ACTR3C: variants seen among roughly 807,000 people sequenced by gnomAD.
ACTR3C encodes the protein actin-related protein 3C.
Under a neutral mutation model 26.3 loss-of-function variants are expected in ACTR3C, and 18 were observed. The ratio of observed to expected loss-of-function variants is 0.68; its 90% confidence interval spans 0.47 to 1.01. ACTR3C has a LOEUF of 1.01. Ranked by LOEUF, ACTR3C falls within the 50% of genes least tolerant of loss-of-function variation. The pLI, the probability that ACTR3C is intolerant of heterozygous loss-of-function variation, is 0.00. For synonymous variants in ACTR3C, 55 were observed against 94.5 expected (o/e 0.58, Z 2.42); for missense variants, 184 against 250.7 (o/e 0.73, Z 1.80).
the ACTR3C span, among the ~76,000 whole-genome samples, chr7:149,903,440 A>T: frequency 0.45 from 66,553 of 148,608 alleles, 16,537 homozygotes; most frequent in South Asian, 0.67. Flanking sequence ...TGCTGGCAAT[A>T]ATGAATTAGA....
At chr7:150,275,975 CA>C (rs1161282010) in intron 6 of ACTR3C, among the ~76,000 whole-genome samples, 1 of 152,114 alleles carries the variant, frequency 6.6e-6, no homozygotes, top group Non-Finnish European at 1.5e-5. Context: ...CTGAATTTCT[CA>C]ATAGCCCGCA....
At chr7:150,305,461 A>G (rs1030029252) in intron 1 of ACTR3C, among the ~76,000 whole-genome samples, 4 of 151,888 alleles carry the variant, frequency 2.6e-5, no homozygotes, top group African/African-American at 9.7e-5. Flanking sequence ...CACTGTCTAC[A>G]CTGTGCAAAG....
the ACTR3C span, among the ~76,000 whole-genome samples, chr7:150,091,796 C>A: frequency 6.7e-6 from 1 of 149,306 alleles, no homozygotes; most frequent in South Asian, 2.1e-4. Flanking sequence ...TCCTGGCTAA[C>A]ACGGTGAAAC....
chr7:150,038,849 AC>A, the ACTR3C span, among the ~76,000 whole-genome samples: 349 of 126,774 alleles, frequency 2.8e-3, 11 homozygotes, highest in African/African-American at 5.6e-3. Flanking sequence ...CAGTGGGGGA[AC>A]CAGGGGCTGG....
chr7:149,886,821 GT>G, the ACTR3C span, among the ~76,000 whole-genome samples: 1 of 152,060 alleles, frequency 6.6e-6, no homozygotes, highest in South Asian at 2.1e-4. Context: ...TCGAGTGTGT[GT>G]AGAGGTGTGA....
At chr7:149,884,298 G>T in the ACTR3C span, among the ~76,000 whole-genome samples, 1 of 152,164 alleles carries the variant, frequency 6.6e-6, no homozygotes. Context: ...GTCCTGTGTG[G>T]ATTTAGGCCA....
chr7:150,081,764 T>C, the ACTR3C span, among the ~76,000 whole-genome samples: 3 of 151,286 alleles, frequency 2.0e-5, no homozygotes, highest in African/African-American at 7.4e-5. Context: ...AGGAGATATT[T>C]GAGAAGTTGT....
chr7:149,913,882 G>T, the ACTR3C span, among the ~76,000 whole-genome samples: 2 of 109,548 alleles, frequency 1.8e-5, no homozygotes, highest in African/African-American at 3.3e-5. Flanking sequence ...TAACTCATAT[G>T]TCCCTTTTTT....
chr7:150,047,440 C>T, the ACTR3C span, among the ~76,000 whole-genome samples: 3 of 152,224 alleles, frequency 2.0e-5, no homozygotes, highest in South Asian at 2.1e-4. Flanking sequence ...TCCGGGACGG[C>T]GATGACCGCG....
chr7:150,194,256 GT>G, the ACTR3C span, among the ~76,000 whole-genome samples: 3 of 137,264 alleles, frequency 2.2e-5, no homozygotes, highest in South Asian at 2.3e-4. Context: ...TCATAGAAAA[GT>G]ATTTTCTTTT....
chr7:149,918,357 A>T, the ACTR3C span, among the ~76,000 whole-genome samples: 2 of 152,152 alleles, frequency 1.3e-5, no homozygotes, highest in Non-Finnish European at 2.9e-5. Context: ...CACTAAAACC[A>T]AAGCAAAAAA....
the ACTR3C span, among the ~76,000 whole-genome samples, chr7:149,959,222 G>GC: frequency 0.031 from 936 of 30,398 alleles, 5 homozygotes; most frequent in Non-Finnish European, 0.043. Context: ...TAATTAGCTC[G>GC]CCCCCCACCC....
At chr7:150,093,024 G>A in the ACTR3C span, among the ~76,000 whole-genome samples, 1 of 151,460 alleles carries the variant, frequency 6.6e-6, no homozygotes, top group Non-Finnish European at 1.5e-5. Context: ...AAAGAAATCT[G>A]TGATTATCTG....
the ACTR3C span, among the ~76,000 whole-genome samples, chr7:149,985,369 A>G: frequency 6.6e-6 from 1 of 152,088 alleles, no homozygotes; most frequent in Non-Finnish European, 1.5e-5. Flanking sequence ...TTACTCTCAC[A>G]GGTATCTCAA....
chr7:150,108,967 A>G, the ACTR3C span, among the ~76,000 whole-genome samples: 14 of 151,974 alleles, frequency 9.2e-5, no homozygotes, highest in African/African-American at 3.4e-4. Flanking sequence ...CACATCCCCC[A>G]CAGACCGCTG....
the ACTR3C span, among the ~76,000 whole-genome samples, chr7:150,010,168 G>C: frequency 6.6e-6 from 1 of 152,290 alleles, no homozygotes; most frequent in South Asian, 2.1e-4. Context: ...AGCCTCATTC[G>C]AGCTGTTCCT....
chr7:150,160,563 T>C, the ACTR3C span, among the ~76,000 whole-genome samples: 2 of 152,314 alleles, frequency 1.3e-5, no homozygotes, highest in South Asian at 2.1e-4. Flanking sequence ...TTTTGATGTT[T>C]ATATTTGCTA....
the ACTR3C span, among the ~76,000 whole-genome samples, chr7:150,235,565 C>T: frequency 6.6e-6 from 1 of 152,212 alleles, no homozygotes; most frequent in African/African-American, 2.4e-5. Flanking sequence ...AAACTTTCAA[C>T]TTCCTTTCCT....
chr7:150,263,414 T>A (rs1833801754), intron 6 of ACTR3C, among the ~76,000 whole-genome samples: 1 of 151,830 alleles, frequency 6.6e-6, no homozygotes, highest in South Asian at 2.1e-4. Flanking sequence ...ATTGTTGGCC[T>A]GGAAAATAGA....
Sources: gnomAD v4.1 joint callset for allele counts (sites outside exome capture counted in the v4.1 genomes callset) on GRCh38, gnomAD v4.1.1 for gene constraint, MANE v1.5 for transcripts, NCBI Gene and HGNC (gene_info 2026-07-23, HGNC 2026-07-21) for gene names.